The following PARP10 variants were observed in gnomAD, a reference collection of about 807,000 sequenced individuals.
PARP10 encodes the protein protein mono-ADP-ribosyltransferase PARP10.
A neutral mutation model predicts 82.4 loss-of-function variants in PARP10; 56 were observed. That is an observed-to-expected ratio of 0.68 (90% confidence interval 0.55 to 0.85). The LOEUF (loss-of-function observed/expected upper bound fraction) is 0.85. Among genes scored for constraint, PARP10 ranks in the 40% least tolerant of loss-of-function variants. The pLI is 0.00. For missense variants in PARP10, 1,227 were observed against 1,379.4 expected (o/e 0.89, Z 1.75); for synonymous variants, 576 against 601.1 (o/e 0.96, Z 0.61).
At chr8:143,997,199 A>T (rs1834170325) in intron 1 of PARP10, among the ~76,000 whole-genome samples, 1 of 152,158 alleles carries the variant, frequency 6.6e-6, no homozygotes, top group Non-Finnish European at 1.5e-5. Context: ...CAAAATGCAA[A>T]TACCACCCCC....
chr8:143,983,309 C>T lies in PARP10; in HGVS notation c.2280G>A (p.Val760=), dbSNP rs1554748179. The part of the protein sequence containing the change: ...LRARLERCHG[V]SVALRGDCTI... ...TGCAGTCACCACGCAGGGCAACACT[C>T]ACACCATGGCACCGCTCCAGGCGAG... Residue 760 remains valine (V), a synonymous_variant, in exon 8 of 11, where the codon GTG becomes GTA. Coordinates refer to ENST00000313028, the MANE Select transcript of PARP10 (RefSeq NM_032789.5). 1 of 1,612,366 alleles carries T rather than the reference C, an allele frequency of 6.2e-7. No individual in the cohort carries two copies. The highest frequency in any genetic ancestry group is 8.5e-7 in the Non-Finnish European group (1 of 1,179,682).
Position 143,984,641 on chromosome 8 carries a change from G to A in PARP10, c.1361C>T (p.Ala454Val), listed in dbSNP as rs782577684. 19 of 1,614,024 alleles carry A rather than the reference G, an allele frequency of 1.2e-5. No individual in the cohort carries two copies. In the South Asian group the frequency reaches 1.6e-4, roughly 14 times the overall value. The change falls in exon 5 of 11, where the codon GCG (alanine) becomes GTG (valine). Residue 454 changes from alanine to valine, a missense_variant. Physicochemically the swap from Ala to Val is moderately conservative, Grantham distance 64 (BLOSUM62 0). Coordinates refer to ENST00000313028, the MANE Select transcript of PARP10 (RefSeq NM_032789.5). Reference protein sequence around the residue: ...VEMVLLMEPGAMRFLQLYHED... With the variant: ...VEMVLLMEPGVMRFLQLYHED... ...ATGGTAGAGCTGCAGGAAGCGCATC[G>A]CCCCTGGCTCCATCAATAGCACCAT...
chr8:143,991,011 G>A (rs1369001767), upstream of PARP10: 18 of 408,442 alleles, frequency 4.4e-5, no homozygotes, highest in East Asian at 7.3e-4. Flanking sequence ...AGGCCCCACG[G>A]CGCCGCCCGT....
upstream of PARP10, among the ~76,000 whole-genome samples, chr8:143,993,710 C>G (rs1460655407): frequency 6.6e-6 from 1 of 152,230 alleles, no homozygotes; most frequent in Non-Finnish European, 1.5e-5. Context: ...CCGCCTCACT[C>G]TTCTGTCGCC....
Position 143,977,458 on chromosome 8 carries a change from A to G in PARP10, c.*26T>C. 1 of 1,505,412 alleles carries G rather than the reference A, an allele frequency of 6.6e-7. No individual in the cohort carries two copies. The highest frequency in any genetic ancestry group is 8.9e-7 in the Non-Finnish European group (1 of 1,120,528). 93.3% of individuals were successfully genotyped at this position (1,505,412 alleles called of 1,614,324 possible). Reference sequence around the variant, plus strand: ...GTGCGGAGCTGGGAGCCTGGGAAGCAGGAGGCCAGAGGGTGGCCCCTTCGG... The same window carrying G: ...GTGCGGAGCTGGGAGCCTGGGAAGCGGGAGGCCAGAGGGTGGCCCCTTCGG... On this transcript the variant is annotated 3_prime_UTR_variant, in exon 11 of 11. Coordinates refer to ENST00000313028, the MANE Select transcript of PARP10 (RefSeq NM_032789.5).
At chr8:144,001,664 C>T (rs1425430135) in intron 1 of PARP10, among the ~76,000 whole-genome samples, 2 of 152,034 alleles carry the variant, frequency 1.3e-5, no homozygotes, top group African/African-American at 4.8e-5. Context: ...AGAGGTCACG[C>T]CATTGCACAC....
At chr8:143,981,915 A>G (rs13255722) in intron 9 of PARP10, among the ~76,000 whole-genome samples, 31 of 32 alleles carry the variant, frequency 0.97, 15 homozygotes, top group African/African-American at 1. Context: ...GGTGGTGATG[A>G]TGGTGATGGT....
rs781815303 is a variant in PARP10 at position 143,985,665 on chromosome 8, G to A, written c.437-17C>T. 5.6e-6 allele frequency: 9 copies of A among 1,608,486 alleles called. No homozygotes were observed. Among genetic ancestry groups the A allele is most frequent in the Non-Finnish European group, 7.6e-6 (9 of 1,177,378 alleles). ...CACGGACATCTGTGGGGTATGTGCA[G>A]GTCAGCTCAGGGAATCCCCCCTAGC... On this transcript the variant is annotated splice_polypyrimidine_tract_variant and intron_variant, in intron 3 of 10. Coordinates refer to ENST00000313028, the MANE Select transcript of PARP10 (RefSeq NM_032789.5).
chr8:143,992,786 ACAT>A, upstream of PARP10: 2 of 1,613,850 alleles, frequency 1.2e-6, no homozygotes, highest in Non-Finnish European at 8.5e-7. Context: ...CTGTACACAG[ACAT>A]CATCAACATC....
At chr8:143,986,584 C>T, upstream of PARP10, 1 of 681,006 alleles carries the variant, frequency 1.5e-6, no homozygotes, top group South Asian at 1.8e-5. Flanking sequence ...GAGGTATTGG[C>T]CAGGCTGGAC....
chr8:143,994,448 C>T (rs1302508881), upstream of PARP10, among the ~76,000 whole-genome samples: 2 of 152,220 alleles, frequency 1.3e-5, no homozygotes, highest in African/African-American at 2.4e-5. Flanking sequence ...TTGCACTACC[C>T]GCCTGCCTAA....
chr8:144,009,472 A>T (rs868907059), intron 1 of PARP10, among the ~76,000 whole-genome samples: 26 of 152,046 alleles, frequency 1.7e-4, no homozygotes, highest in African/African-American at 6.0e-4. Context: ...TGGCTCTACT[A>T]GGCACAGTGG....
Position 143,977,281 on chromosome 8 carries a change from T to G in PARP10, c.*203A>C. ...CCTGGGCTCTGCTGACCCCTGGTGG[T>G]GGGGTCGGCCCAGGCTGGGACCTAG... is the stretch of plus-strand genomic sequence containing the variant. On this transcript the variant is annotated 3_prime_UTR_variant, in exon 11 of 11. Coordinates refer to ENST00000313028, the MANE Select transcript of PARP10 (RefSeq NM_032789.5). 1 of 585,618 alleles carries G rather than the reference T, an allele frequency of 1.7e-6. No individual in the cohort carries two copies. Among genetic ancestry groups the G allele is most frequent in the Non-Finnish European group, 2.9e-6 (1 of 341,064 alleles). 36.3% of individuals were successfully genotyped at this position (585,618 alleles called of 1,614,324 possible). A position where few individuals can be genotyped will look rare whatever the true frequency, so the allele number is the denominator to read the frequency against.
At chr8:144,001,327 A>G (rs1336715212) in intron 1 of PARP10, among the ~76,000 whole-genome samples, 1 of 151,932 alleles carries the variant, frequency 6.6e-6, no homozygotes, top group Non-Finnish European at 1.5e-5. Context: ...CTCCTACCTC[A>G]GAGACCCTCA....
Position 143,977,379 on chromosome 8 carries a change from G to A in PARP10, c.*105C>T, listed in dbSNP as rs1476050537. ...CTGGAGCCCGCAGAGGGAGGCAGGG[G>A]CGTCCCCGGGGACAGCTCAGGCGGC... On this transcript the variant is annotated 3_prime_UTR_variant, in exon 11 of 11. Coordinates refer to ENST00000313028, the MANE Select transcript of PARP10 (RefSeq NM_032789.5). 4 of 1,107,566 alleles carry A rather than the reference G, an allele frequency of 3.6e-6. No homozygotes were observed. The highest frequency in any genetic ancestry group is 3.3e-5 in the South Asian group (2 of 61,174). The allele number at this position is 1,107,566 out of a possible 1,614,324, so 68.6% of individuals were successfully genotyped here.
In PARP10 at chr8:143,984,854, C is replaced by G; in HGVS notation, c.1148G>C (p.Gly383Ala). Reference sequence around the variant, plus strand: ...AGAGGTCTCCACTGGGCCTGCAGACCCCACAGGCCCCAGGCTCATGGGCCC... The same window carrying G: ...AGAGGTCTCCACTGGGCCTGCAGACGCCACAGGCCCCAGGCTCATGGGCCC... Reference protein sequence around the residue: ...QEGPMSLGPVGSAGPVETSKG... With the variant: ...QEGPMSLGPVASAGPVETSKG... The change falls in exon 5 of 11, where the codon GGG (glycine) becomes GCG (alanine). Residue 383 changes from glycine to alanine, a missense_variant. Gly to Ala is a moderately conservative substitution (Grantham distance 60, BLOSUM62 0). Coordinates refer to ENST00000313028, the MANE Select transcript of PARP10 (RefSeq NM_032789.5). 6.2e-7 allele frequency: 1 copy of G among 1,609,726 alleles called. No individual in the cohort carries two copies. The highest frequency in any genetic ancestry group is 8.5e-7 in the Non-Finnish European group (1 of 1,176,600).
At chr8:143,978,595 A>G (rs1833773563) in intron 9 of PARP10, among the ~76,000 whole-genome samples, 1 of 152,244 alleles carries the variant, frequency 6.6e-6, no homozygotes, top group Non-Finnish European at 1.5e-5. Context: ...TCTGAAAACC[A>G]GAGTGCTCCT....
At chr8:144,010,155 G>T (rs1834264141) in intron 1 of PARP10, among the ~76,000 whole-genome samples, 1 of 152,182 alleles carries the variant, frequency 6.6e-6, no homozygotes, top group African/African-American at 2.4e-5. Context: ...TGGCCCACCT[G>T]CTGTACCCTC....
upstream of PARP10, among the ~76,000 whole-genome samples, chr8:143,996,035 C>G (rs1363067941): frequency 6.6e-6 from 1 of 152,190 alleles, no homozygotes; most frequent in Non-Finnish European, 1.5e-5. Flanking sequence ...CAGAGTCCCG[C>G]TTCCCTAAAC....
Sources: gnomAD v4.1 joint callset for allele counts (sites outside exome capture counted in the v4.1 genomes callset) on GRCh38, gnomAD v4.1.1 for gene constraint, MANE v1.5 for transcripts, NCBI Gene and HGNC (gene_info 2026-07-23, HGNC 2026-07-21) for gene names.